Variants in ITGA8 observed in about 807,000 individuals in gnomAD.
The protein encoded by ITGA8 is integrin alpha-8.
Under a neutral mutation model 142.3 loss-of-function variants are expected in ITGA8, and 91 were observed. The observed-to-expected ratio is 0.64, with a 90% confidence interval of 0.54 to 0.76. The LOEUF (loss-of-function observed/expected upper bound fraction) is 0.76, where lower values mean the gene tolerates loss of function less well. Ranked by LOEUF, ITGA8 falls within the 30% of genes least tolerant of loss-of-function variation. ITGA8 has a pLI of 0.00. For missense variants in ITGA8, 1,406 were observed against 1,327.7 expected (o/e 1.06, Z -0.92); for synonymous variants, 505 against 485.2 (o/e 1.04, Z -0.54).
chr10:15,711,121 A>C (rs1045160110), intron 2 of ITGA8, among the ~76,000 whole-genome samples: 2 of 152,222 alleles, frequency 1.3e-5, no homozygotes, highest in Middle Eastern at 3.2e-3. Context: ...CCTGAATTTC[A>C]TAAGGATATA....
intron 2 of ITGA8, among the ~76,000 whole-genome samples, chr10:15,708,587 A>T (rs904652527): frequency 1.3e-5 from 2 of 151,592 alleles, no homozygotes; most frequent in Admixed American, 6.6e-5. Flanking sequence ...CTGCAAAATT[A>T]AAAAAAAAGT....
Position 15,672,631 on chromosome 10 carries a change from A to T in ITGA8, c.795T>A (p.Ser265Arg), listed in dbSNP as rs764770636. Residue 265 changes from serine to arginine, a missense_variant, in exon 7 of 30, where the codon AGT becomes AGA. Transcript: ENST00000378076. ...TTGGGCAATGGGTCTTACCAAGGTA[A>T]CTGTCATCATAGGAAGCTGGAGCCA... ...TEVAPASYDD[S>R]YLGYSVAAGE... The T allele has an allele frequency of 2.5e-6, 4 of 1,613,070 alleles. No individual in the cohort carries two copies. The South Asian group carries it at 4.4e-5, about 18-fold the overall frequency.
intron 11 of ITGA8, among the ~76,000 whole-genome samples, chr10:15,648,809 T>C (rs1834034257): frequency 6.6e-6 from 1 of 152,208 alleles, no homozygotes; most frequent in Admixed American, 6.5e-5. Context: ...AGATATCCTG[T>C]GTACTTCCTA....
rs142720981 is a variant in ITGA8, at chr10:15,678,664, C to T, written c.630+58G>A. 4.1e-4 allele frequency: 476 copies of T among 1,168,340 alleles called. 3 individuals are homozygous for T. In the Middle Eastern group the frequency reaches 7.7e-3, roughly 19 times the overall value. 72.4% of individuals were successfully genotyped at this position (1,168,340 alleles called of 1,614,324 possible). On this transcript the variant is annotated intron_variant, in intron 5 of 29. Coordinates refer to ENST00000378076, the MANE Select transcript of ITGA8 (RefSeq NM_003638.3). Reference sequence around the variant, plus strand: ...GGTTTTGGGGTGTGGGAGTGAGAGGCAGAGGGTAAAAAAAAATCAGATTAA... The same window carrying T: ...GGTTTTGGGGTGTGGGAGTGAGAGGTAGAGGGTAAAAAAAAATCAGATTAA...
At chr10:15,584,995 A>G (rs1337182908) in intron 23 of ITGA8, among the ~76,000 whole-genome samples, 1 of 152,140 alleles carries the variant, frequency 6.6e-6, no homozygotes, top group Admixed American at 6.5e-5. Flanking sequence ...TGGAGGTTGC[A>G]GTGAGCCGAG....
In ITGA8 at chr10:15,606,398, A is replaced by G. The variant is rs781035040; in HGVS notation, c.1789T>C (p.Leu597=). The change falls in exon 18 of 30, where the codon TTA becomes CTA. Residue 597 remains leucine (L), a synonymous_variant. Coordinates refer to ENST00000378076, the MANE Select transcript of ITGA8 (RefSeq NM_003638.3). The part of the protein sequence containing the change: ...LRDETEFRDK[L]SPINISLNYS... ...TTCAAACTAATGTTGATTGGAGATAATTTATCTCGGAATTCAGTTTCATCC... is the reference window on the plus strand; with the variant it reads ...TTCAAACTAATGTTGATTGGAGATAGTTTATCTCGGAATTCAGTTTCATCC... 44 of 1,600,258 alleles carry G rather than the reference A, an allele frequency of 2.7e-5. No individual in the cohort carries two copies. Among genetic ancestry groups the G allele is most frequent in the African/African-American group, 5.4e-5 (4 of 74,726 alleles).
chr10:15,634,277 C>T (rs992433416), intron 13 of ITGA8, among the ~76,000 whole-genome samples: 6 of 151,976 alleles, frequency 3.9e-5, no homozygotes, highest in South Asian at 4.2e-4. Flanking sequence ...TAAAGGCATG[C>T]GTTATGCCCA....
At chr10:15,644,985 C>T (rs1000572969) in intron 12 of ITGA8, among the ~76,000 whole-genome samples, 2 of 145,132 alleles carry the variant, frequency 1.4e-5, no homozygotes, top group South Asian at 2.3e-4. Flanking sequence ...CCCAGCTACT[C>T]GGGAGGCTGA....
intron 2 of ITGA8, among the ~76,000 whole-genome samples, chr10:15,704,352 A>T (rs1042368506): frequency 3.9e-5 from 6 of 152,128 alleles, no homozygotes; most frequent in Non-Finnish European, 4.4e-5. Flanking sequence ...TGCACCTGCT[A>T]ATTTTTTTAG....
At chr10:15,665,125 T>C (rs891600482) in intron 8 of ITGA8, among the ~76,000 whole-genome samples, 5 of 152,152 alleles carry the variant, frequency 3.3e-5, no homozygotes, top group African/African-American at 7.2e-5. Context: ...AGTTTACAGT[T>C]CCACCAACAG....
intron 24 of ITGA8, 64 bp downstream of exon 24, chr10:15,575,425 G>T: frequency 9.1e-7 from 1 of 1,097,280 alleles, no homozygotes; most frequent in South Asian, 1.2e-5. Flanking sequence ...ATGCTACATA[G>T]AATTTATTTG....
intron 28 of ITGA8, among the ~76,000 whole-genome samples, chr10:15,522,151 C>T (rs57816771): frequency 0.04 from 6,074 of 152,256 alleles, 178 homozygotes; most frequent in African/African-American, 0.07. Context: ...ATCCTAAATG[C>T]CCTGATTTGA....
chr10:15,532,795 A>G (rs1296632111), intron 27 of ITGA8, among the ~76,000 whole-genome samples: 1 of 152,168 alleles, frequency 6.6e-6, no homozygotes, highest in African/African-American at 2.4e-5. Flanking sequence ...TTACAACTTA[A>G]ATTATATAAA....
chr10:15,584,571 AAG>A (rs1302791621), intron 23 of ITGA8, among the ~76,000 whole-genome samples: 2 of 152,198 alleles, frequency 1.3e-5, no homozygotes, highest in Non-Finnish European at 2.9e-5. Context: ...TATTTTGAAA[AAG>A]AGTTTGATAT....
chr10:15,644,345 G>A (rs896717082), intron 12 of ITGA8, 124 bp from the exon 13 acceptor site: 45 of 822,742 alleles, frequency 5.5e-5, no homozygotes, highest in African/African-American at 4.2e-4. Context: ...ATGGCTCACC[G>A]CAGCCCCACA....
intron 28 of ITGA8, among the ~76,000 whole-genome samples, chr10:15,530,407 G>A (rs547958805): frequency 2.0e-4 from 31 of 152,038 alleles, no homozygotes; most frequent in African/African-American, 5.8e-4. Context: ...TTAGCTGGGC[G>A]TGGTGGCAGG....
intron 13 of ITGA8, among the ~76,000 whole-genome samples, chr10:15,631,150 C>G (rs958268874): frequency 1.3e-5 from 2 of 151,974 alleles, no homozygotes; most frequent in South Asian, 4.1e-4. Context: ...TTGTGGAAGA[C>G]AGTGTGGCGA....
intron 26 of ITGA8, among the ~76,000 whole-genome samples, chr10:15,554,907 A>C (rs1833861651): frequency 6.6e-6 from 1 of 152,138 alleles, no homozygotes. Context: ...GAGAAAGCAA[A>C]GGGGGAATTG....
intron 13 of ITGA8, among the ~76,000 whole-genome samples, chr10:15,635,919 A>ACACACACG (rs1491250012): frequency 5.8e-5 from 1 of 17,250 alleles, no homozygotes; most frequent in African/African-American, 1.3e-4. Flanking sequence ...TGCTTATACT[A>ACACACACG]CACACACACA....
Sources: gnomAD v4.1 joint callset for allele counts (sites outside exome capture counted in the v4.1 genomes callset) on GRCh38, gnomAD v4.1.1 for gene constraint, MANE v1.5 for transcripts, NCBI Gene and HGNC (gene_info 2026-07-23, HGNC 2026-07-21) for gene names.